TRIM4: variants seen among roughly 807,000 people sequenced by gnomAD.
The protein encoded by TRIM4 is E3 ubiquitin-protein ligase TRIM4.
In TRIM4, 29 loss-of-function variants were observed where a neutral mutation model predicts 33.7. The observed-to-expected ratio is 0.86, with a 90% CI of 0.64 to 1.17. The LOEUF (loss-of-function observed/expected upper bound fraction) is 1.17. TRIM4 is among the 50% of genes most tolerant of loss of function. The pLI, the probability that TRIM4 is intolerant of heterozygous loss-of-function variation, is 0.00. For missense variants in TRIM4, 554 were observed against 593.7 expected (o/e 0.93, Z 0.69); for synonymous variants, 224 against 233.0 (o/e 0.96, Z 0.35).
At chr7:99,916,873 G>A (rs1819566876) in intron 1 of TRIM4, 1 of 737,718 alleles carries the variant, frequency 1.4e-6, no homozygotes, top group Non-Finnish European at 2.5e-6. Context: ...TTTTTACTAT[G>A]GCAAACAAGA....
Position 99,891,492 on chromosome 7 carries a change from T to C in TRIM4, c.*671A>G, listed in dbSNP as rs1394875753. On this transcript the variant is annotated 3_prime_UTR_variant, in exon 6 of 6. Transcript: ENST00000349062. Reference sequence around the variant, plus strand: ...TTAATAGCTGAGGGCAGAGTTATGGTTGGGAAGAGAGAGAGTGCAACATAG... The same window carrying C: ...TTAATAGCTGAGGGCAGAGTTATGGCTGGGAAGAGAGAGAGTGCAACATAG... 6.6e-6 allele frequency: 1 copy of C among 152,272 alleles called. No homozygotes were observed. The highest frequency in any genetic ancestry group is 1.5e-5 in the Non-Finnish European group (1 of 68,116). The allele number at this position is 152,272 out of a possible 1,614,324, so 9.4% of individuals were successfully genotyped here.
chr7:99,892,381 AG>A lies in TRIM4; in HGVS notation c.1206del (p.Leu403Ter). 3 of 1,614,146 alleles carry A rather than the reference AG, an allele frequency of 1.9e-6. No homozygotes were observed. Among genetic ancestry groups the A allele is most frequent in the Non-Finnish European group, 2.5e-6 (3 of 1,180,008 alleles). On this transcript the variant is annotated frameshift_variant, in exon 6 of 6. Transcript: ENST00000349062. LOFTEE classifies it low-confidence loss of function (END_TRUNC). ...GTGGGAGTTCCAGGGAAGCCTATCA[AG>A]GGCCAATAGCCAGCAGCACTCCAAT... is the stretch of plus-strand genomic sequence containing the variant. ...AIYWSAAGYW[P>X]LIGFPGTPTQ...
At chr7:99,905,315 T>G (rs1039278115) in intron 3 of TRIM4, among the ~76,000 whole-genome samples, 3 of 152,200 alleles carry the variant, frequency 2.0e-5, no homozygotes, top group Non-Finnish European at 4.4e-5. Flanking sequence ...TGGAATCATC[T>G]ACTAAAGCTG....
intron 1 of TRIM4, among the ~76,000 whole-genome samples, chr7:99,913,467 G>C (rs944246241): frequency 5.9e-5 from 9 of 152,100 alleles, no homozygotes; most frequent in Non-Finnish European, 1.2e-4. Flanking sequence ...AGGAGTTCCA[G>C]AGCAGCCTGA....
chr7:99,892,359 G>A lies in TRIM4; in HGVS notation c.1229C>T (p.Pro410Leu), dbSNP rs778552498. The A allele has an allele frequency of 1.2e-6, 2 of 1,614,072 alleles. No individual in the cohort carries two copies. Among genetic ancestry groups the A allele is most frequent in the Non-Finnish European group, 1.7e-6 (2 of 1,180,010 alleles). ...YWPLIGFPGT[P>L]TQQEPALHRV... The stretch of plus-strand genomic sequence containing the variant: ...GTGGAGAGCTGGCTCTTGCTGGGTG[G>A]GAGTTCCAGGGAAGCCTATCAAGGG... Residue 410 changes from proline (P) to leucine (L), a missense_variant, in exon 6 of 6, where the codon CCC (proline) becomes CTC (leucine). This residue lies in a region of TRIM4 where 290 missense variants were observed against 335.8 expected (regional missense o/e 0.86). Transcript: ENST00000349062.
Position 99,892,239 on chromosome 7 carries a change from A to T in TRIM4, c.1349T>A (p.Val450Asp). 1 of 1,614,154 alleles carries T rather than the reference A, an allele frequency of 6.2e-7. No individual in the cohort carries two copies. The highest frequency in any genetic ancestry group is 8.5e-7 in the Non-Finnish European group (1 of 1,180,014). Residue 450 changes from valine to aspartate, a missense_variant, in exon 6 of 6, where the codon GTC becomes GAC. By Grantham distance (152) the Val-to-Asp change is radical. Around this residue, in one of 3 missense-constraint regions of TRIM4, gnomAD observed 290 missense variants for 335.8 expected, o/e 0.86. Coordinates refer to ENST00000349062, the MANE Select transcript of TRIM4 (RefSeq NM_033091.3). ...CCAAAAAAATGGCCGGAGGCGTGAG[A>T]CAGAAGAACAAGAAAAGGTGTGCAG... is the stretch of plus-strand genomic sequence containing the variant. ...VHLHTFSCSS[V>D]SRLRPFFWLS...
rs1002267182 is a variant in TRIM4, at chr7:99,891,338, T to A, written c.*825A>T. The A allele has an allele frequency of 6.6e-6, 1 of 152,212 alleles. No homozygotes were observed. The highest frequency in any genetic ancestry group is 2.4e-5 in the African/African-American group (1 of 41,430). The allele number at this position is 152,212 out of a possible 1,614,324, so 9.4% of individuals were successfully genotyped here. ...TTTGACTTTCCATCTCACTGAGTTGTGATGAGAGTCATATGCAACAGCATA... is the reference window on the plus strand; with the variant it reads ...TTTGACTTTCCATCTCACTGAGTTGAGATGAGAGTCATATGCAACAGCATA... On this transcript the variant is annotated 3_prime_UTR_variant, in exon 6 of 6. Transcript: ENST00000349062.
rs748343437 is a variant in TRIM4 at position 99,919,370 on chromosome 7, G to C, written c.32C>G (p.Thr11Ser). 3.2e-6 allele frequency: 5 copies of C among 1,577,116 alleles called. No individual in the cohort carries two copies. In the East Asian group the frequency reaches 9.8e-5, roughly 31 times the overall value. Residue 11 changes from threonine (T) to serine (S), a missense_variant, in exon 1 of 6, where the codon ACC (threonine) becomes AGC (serine). By Grantham distance (58) the Thr-to-Ser change is moderately conservative (BLOSUM62 1). Coordinates refer to ENST00000349062, the MANE Select transcript of TRIM4 (RefSeq NM_033091.3). ...GAAATAGTCCAGGCAGATGGGGCAG[G>C]TCAACTCCTCCTGGATGTCCTCAGC... The part of the protein sequence containing the change: MEAEDIQEEL[T>S]CPICLDYFQD...
At chr7:99,902,791 T>G (rs1325715110) in intron 5 of TRIM4, among the ~76,000 whole-genome samples, 1 of 151,632 alleles carries the variant, frequency 6.6e-6, no homozygotes, top group African/African-American at 2.4e-5. Flanking sequence ...CTTGAAACAG[T>G]CATCCCTGTT....
intron 3 of TRIM4, 94 bp downstream of exon 3, chr7:99,908,488 T>C (rs1819359421): frequency 1.0e-6 from 1 of 996,480 alleles, no homozygotes; most frequent in Non-Finnish European, 1.5e-6. Context: ...GACATGTCTA[T>C]GAAACCCACT....
At position 99,891,889 on chromosome 7, in the gene TRIM4, CAT is replaced by C; in HGVS notation, c.*272_*273del. On this transcript the variant is annotated 3_prime_UTR_variant, in exon 6 of 6. Coordinates refer to ENST00000349062, the MANE Select transcript of TRIM4 (RefSeq NM_033091.3). ...CAGTTCCAATATGGCTGCTAACATCCATATGTCTTCCCCGCACATCTCTTTAA... is the reference window on the plus strand; with the variant it reads ...CAGTTCCAATATGGCTGCTAACATCCATGTCTTCCCCGCACATCTCTTTAA... 2.8e-6 allele frequency: 1 copy of C among 353,798 alleles called. No homozygotes were observed. The highest frequency in any genetic ancestry group is 5.1e-6 in the Non-Finnish European group (1 of 195,430). 21.9% of individuals were successfully genotyped at this position (353,798 alleles called of 1,614,324 possible).
intron 2 of TRIM4, 130 bp from the exon 3 acceptor site, chr7:99,908,942 C>T: frequency 1.3e-6 from 1 of 752,456 alleles, no homozygotes; most frequent in South Asian, 1.9e-5. Flanking sequence ...CCCACCCCCA[C>T]TAAAATTTCC....
intron 1 of TRIM4, among the ~76,000 whole-genome samples, chr7:99,918,527 T>C (rs184948908): frequency 1.8e-4 from 28 of 151,520 alleles, no homozygotes; most frequent in Admixed American, 7.2e-4. Context: ...ATCACGCCAC[T>C]GTGCTCCAGC....
intron 5 of TRIM4, 24 bp from the exon 6 acceptor site, chr7:99,892,770 T>C (rs767306914): frequency 2.5e-6 from 4 of 1,579,392 alleles, no homozygotes; most frequent in Admixed American, 3.5e-5. Flanking sequence ...GAGAGCTAAG[T>C]AGTGCAGCAG....
At chr7:99,902,542 C>T (rs756638722) in intron 5 of TRIM4, among the ~76,000 whole-genome samples, 4 of 152,092 alleles carry the variant, frequency 2.6e-5, no homozygotes, top group South Asian at 2.1e-4. Context: ...CCTTCGTGCC[C>T]GGCCTACAAC....
chr7:99,905,298 A>T (rs1364291159), intron 3 of TRIM4, among the ~76,000 whole-genome samples: 1 of 152,210 alleles, frequency 6.6e-6, no homozygotes, highest in African/African-American at 2.4e-5. Context: ...CCAGTTTGAA[A>T]ATGGTTTGGA....
At chr7:99,903,123 T>C in intron 5 of TRIM4, 95 bp downstream of exon 5, 1 of 893,484 alleles carries the variant, frequency 1.1e-6, no homozygotes, top group South Asian at 1.6e-5. Flanking sequence ...CTCTATTAGC[T>C]GCATGCTGTT....
At position 99,897,936 on chromosome 7, in the gene TRIM4, C is replaced by G. The variant is rs566298988; in HGVS notation, c.842-5190G>C. 2.5e-3 allele frequency among the ~76,000 whole-genome samples: 382 copies of G among 152,356 alleles called. 1 individual carries two copies. Among genetic ancestry groups the G allele is most frequent in the South Asian group, 4.1e-3 (20 of 4,832 alleles). On this transcript the variant is annotated intron_variant, in intron 5 of 5. Transcript: ENST00000349062. ...CACTAAACATCTCACCTGTTGCCCA[C>G]AGATGGGGTGCAGCAAACCGCTTCA... is the stretch of plus-strand genomic sequence containing the variant.
intron 5 of TRIM4, among the ~76,000 whole-genome samples, chr7:99,902,445 C>T (rs1465815882): frequency 6.6e-6 from 1 of 152,148 alleles, no homozygotes; most frequent in Non-Finnish European, 1.5e-5. Flanking sequence ...CAGGGTTTCA[C>T]CATGTTGGCC....
Sources: gnomAD v4.1 joint callset for allele counts (sites outside exome capture counted in the v4.1 genomes callset) on GRCh38, gnomAD v4.1.1 for gene constraint, gnomAD v4.1.1 regional missense constraint, MANE v1.5 for transcripts, NCBI Gene and HGNC (gene_info 2026-07-23, HGNC 2026-07-21) for gene names.